GRM7: variants seen among roughly 807,000 people sequenced by gnomAD.
GRM7 encodes metabotropic glutamate receptor 7.
In GRM7, 35 loss-of-function variants were observed where a neutral mutation model predicts 84.5. The observed-to-expected ratio is 0.41, with a 90% CI of 0.32 to 0.55. GRM7 has a LOEUF of 0.55. GRM7 is among the 20% of genes least tolerant of loss of function. The pLI is 0.19. For synonymous variants in GRM7, 487 were observed against 455.1 expected (o/e 1.07, Z -0.89); for missense variants, 1,003 against 1,194.6 (o/e 0.84, Z 2.36).
chr3:7,634,596 C>T (rs1364117674), intron 8 of GRM7, among the ~76,000 whole-genome samples: 1 of 148,302 alleles, frequency 6.7e-6, no homozygotes, highest in Non-Finnish European at 1.5e-5. Flanking sequence ...AGATCTAGAC[C>T]ATCCTAGCTA....
intron 7 of GRM7, among the ~76,000 whole-genome samples, chr3:7,565,746 G>C (rs1171233228): frequency 6.6e-6 from 1 of 152,170 alleles, no homozygotes; most frequent in African/African-American, 2.4e-5. Flanking sequence ...ATTGGCTTAG[G>C]AGAAGACCAG....
intron 9 of GRM7, among the ~76,000 whole-genome samples, chr3:7,696,168 G>T (rs573917763): frequency 3.3e-5 from 5 of 152,132 alleles, no homozygotes; most frequent in Non-Finnish European, 5.9e-5. Flanking sequence ...ATTGTCTATA[G>T]GTCTCTCAGG....
rs544246703 is a variant in GRM7, at chr3:7,164,544, A to G, written c.736+17876A>G. 4.6e-5 allele frequency among the ~76,000 whole-genome samples: 7 copies of G among 152,262 alleles called. 1 individual carries two copies. In the South Asian group the frequency reaches 1.5e-3, roughly 32 times the overall value. On this transcript the variant is annotated intron_variant, in intron 2 of 9. Transcript: ENST00000357716. ...ACATCCCCACTATGTCTCTAACTTC[A>G]CCATTAACTTGGAGTCACATTGACT...
intron 7 of GRM7, among the ~76,000 whole-genome samples, chr3:7,508,491 A>G (rs996025540): frequency 6.6e-6 from 1 of 152,182 alleles, no homozygotes. Context: ...ATGAATATAT[A>G]TGTCACAATA....
At chr3:6,941,787 G>T (rs1358070382) in intron 1 of GRM7, among the ~76,000 whole-genome samples, 1 of 151,948 alleles carries the variant, frequency 6.6e-6, no homozygotes, top group Non-Finnish European at 1.5e-5. Flanking sequence ...TATTCATGAG[G>T]CATTTGTTGG....
intron 2 of GRM7, among the ~76,000 whole-genome samples, chr3:7,294,119 G>T (rs548532347): frequency 1.3e-5 from 2 of 152,164 alleles, no homozygotes; most frequent in African/African-American, 4.8e-5. Flanking sequence ...GGGGATGAGC[G>T]TCTCAATTCT....
intron 8 of GRM7, among the ~76,000 whole-genome samples, chr3:7,600,559 G>C (rs1350904928): frequency 6.6e-6 from 1 of 152,140 alleles, no homozygotes; most frequent in Non-Finnish European, 1.5e-5. Context: ...CAGGGCTGCG[G>C]TTAAGTTCTG....
intron 1 of GRM7, among the ~76,000 whole-genome samples, chr3:6,992,610 G>C (rs1694682779): frequency 6.6e-6 from 1 of 152,158 alleles, no homozygotes; most frequent in Non-Finnish European, 1.5e-5. Flanking sequence ...AAAGCTGTTA[G>C]CAACCTTGGG....
At chr3:7,111,565 T>C (rs1038479866) in intron 1 of GRM7, among the ~76,000 whole-genome samples, 1 of 152,152 alleles carries the variant, frequency 6.6e-6, no homozygotes, top group Admixed American at 6.6e-5. Flanking sequence ...ACTGACTGTT[T>C]CTGAGGAGCA....
At chr3:7,349,499 T>C (rs914559718) in intron 4 of GRM7, among the ~76,000 whole-genome samples, 13 of 152,142 alleles carry the variant, frequency 8.5e-5, no homozygotes, top group African/African-American at 3.1e-4. Context: ...TCAAAGATAC[T>C]CATAGATGGA....
intron 4 of GRM7, among the ~76,000 whole-genome samples, chr3:7,401,429 G>C (rs1384112373): frequency 1.3e-5 from 2 of 152,028 alleles, no homozygotes; most frequent in African/African-American, 2.4e-5. Context: ...TTGCCATATG[G>C]CTTGAATACC....
chr3:7,034,809 T>A (rs1696324498), intron 1 of GRM7, among the ~76,000 whole-genome samples: 1 of 152,286 alleles, frequency 6.6e-6, no homozygotes, highest in South Asian at 2.1e-4. Flanking sequence ...TGTCAATTCC[T>A]TGTCCTTCCA....
intron 1 of GRM7, among the ~76,000 whole-genome samples, chr3:7,120,706 C>T (rs1693188634): frequency 1.3e-5 from 2 of 152,160 alleles, no homozygotes; most frequent in Admixed American, 1.3e-4. Flanking sequence ...ACAACAATCA[C>T]AAATGCTTAA....
intron 8 of GRM7, among the ~76,000 whole-genome samples, chr3:7,580,146 T>A (rs1695176121): frequency 6.6e-6 from 1 of 152,254 alleles, no homozygotes; most frequent in African/African-American, 2.4e-5. Context: ...CGGTGTTGAT[T>A]CTAGACATGA....
intron 8 of GRM7, among the ~76,000 whole-genome samples, chr3:7,664,166 A>T (rs988419940): frequency 1.3e-5 from 2 of 152,178 alleles, no homozygotes; most frequent in Admixed American, 6.5e-5. Context: ...TCAACCCAAG[A>T]TGAGAGTCCT....
At chr3:7,055,760 A>G (rs1192066362) in intron 1 of GRM7, among the ~76,000 whole-genome samples, 3 of 151,948 alleles carry the variant, frequency 2.0e-5, no homozygotes, top group Admixed American at 6.6e-5. Context: ...GCCTCAAACA[A>G]TCTGCCTGCC....
chr3:7,567,857 G>C (rs1694394463), intron 7 of GRM7, among the ~76,000 whole-genome samples: 1 of 150,414 alleles, frequency 6.6e-6, no homozygotes, highest in Non-Finnish European at 1.5e-5. Context: ...AAAATGAGTT[G>C]AGGGAGGGGG....
chr3:7,567,639 G>A (rs1173917565), intron 7 of GRM7, among the ~76,000 whole-genome samples: 3 of 151,060 alleles, frequency 2.0e-5, no homozygotes, highest in African/African-American at 7.3e-5. Flanking sequence ...CCCAGCTACT[G>A]GGGAAGGCTG....
chr3:7,325,360 T>G (rs527879714), intron 4 of GRM7, among the ~76,000 whole-genome samples: 1 of 152,322 alleles, frequency 6.6e-6, no homozygotes, highest in Admixed American at 6.5e-5. Context: ...TTCTCAAATG[T>G]TTGCATTTAC....
Sources: allele counts gnomAD v4.1 joint callset (sites outside exome capture counted in the v4.1 genomes callset), GRCh38; gene constraint gnomAD v4.1.1; transcripts MANE v1.5; gene names NCBI Gene and HGNC (gene_info 2026-07-23, HGNC 2026-07-21).